The following CDYL2 variants were observed in gnomAD, a reference collection of about 807,000 sequenced individuals.
CDYL2 encodes the protein chromodomain Y-like protein 2.
In CDYL2, 23 loss-of-function variants were observed where a neutral mutation model predicts 49.4. That is an observed-to-expected ratio of 0.47 (90% CI 0.34 to 0.66). The LOEUF (loss-of-function observed/expected upper bound fraction) is 0.66, where lower values mean the gene tolerates loss of function less well. Among genes scored for constraint, CDYL2 ranks in the 30% least tolerant of loss-of-function variants. The pLI is 0.01. For missense variants in CDYL2, 678 were observed against 656.4 expected (o/e 1.03, Z -0.36); for synonymous variants, 360 against 268.8 (o/e 1.34, Z -3.32).
intron 1 of CDYL2, among the ~76,000 whole-genome samples, chr16:80,803,041 T>G (rs1311779957): frequency 6.6e-6 from 1 of 152,232 alleles, no homozygotes; most frequent in African/African-American, 2.4e-5. Flanking sequence ...GGCCCTCTGG[T>G]TGAAGATGGC....
At chr16:80,695,152 T>C (rs771719026) in intron 1 of CDYL2, among the ~76,000 whole-genome samples, 3 of 152,270 alleles carry the variant, frequency 2.0e-5, no homozygotes, top group Non-Finnish European at 4.4e-5. Flanking sequence ...AAAGTTTTAT[T>C]GGTACACACC....
At chr16:80,678,857 C>T (rs1163785220) in intron 2 of CDYL2, among the ~76,000 whole-genome samples, 4 of 151,116 alleles carry the variant, frequency 2.6e-5, no homozygotes, top group Non-Finnish European at 5.9e-5. Flanking sequence ...GACTTGGAAC[C>T]AGCCCAAATG....
At chr16:80,620,993 T>A in intron 3 of CDYL2, 58 bp from the exon 4 acceptor site, 1 of 1,471,210 alleles carries the variant, frequency 6.8e-7, no homozygotes, top group South Asian at 1.4e-5. Flanking sequence ...AGCCTGGGGC[T>A]TTCAGACTGC....
chr16:80,718,205 G>C (rs1243294527), intron 1 of CDYL2, among the ~76,000 whole-genome samples: 1 of 152,190 alleles, frequency 6.6e-6, no homozygotes, highest in Non-Finnish European at 1.5e-5. Context: ...AGTGAGAAGT[G>C]AGTTTTGTTT....
intron 2 of CDYL2, among the ~76,000 whole-genome samples, chr16:80,645,216 G>T (rs1298114759): frequency 1.3e-5 from 2 of 152,110 alleles, no homozygotes; most frequent in Admixed American, 1.3e-4. Flanking sequence ...TACAGAATGG[G>T]AGAACATTTT....
chr16:80,688,407 AAATATAT>A (rs1479198629), intron 1 of CDYL2, among the ~76,000 whole-genome samples: 1 of 152,098 alleles, frequency 6.6e-6, no homozygotes, highest in African/African-American at 2.4e-5. Context: ...CCCATCGGTA[AAATATAT>A]AATAATAAAG....
In CDYL2 at chr16:80,599,227, A is replaced by C. The variant is rs1166321479; in HGVS notation, c.*5161T>G. The C allele has an allele frequency of 6.6e-6, 1 of 152,220 alleles. No homozygotes were observed. The highest frequency in any genetic ancestry group is 6.5e-5 in the Admixed American group (1 of 15,282). 9.4% of individuals were successfully genotyped at this position (152,220 alleles called of 1,614,324 possible). A position where few individuals can be genotyped will look rare whatever the true frequency, so the allele number is the denominator to read the frequency against. ...TTCTGACTGCCACACACACTGCAAA[A>C]ATTTAAAGCAAATCTCCATCTTAAT... On this transcript the variant is annotated 3_prime_UTR_variant, in exon 7 of 7. Transcript: ENST00000570137.
chr16:80,648,669 C>G (rs916969868), intron 2 of CDYL2, among the ~76,000 whole-genome samples: 2 of 150,928 alleles, frequency 1.3e-5, no homozygotes, highest in African/African-American at 4.9e-5. Context: ...TACTCTGATA[C>G]CAAAATCAGA....
chr16:80,704,429 T>G (rs925731076), intron 1 of CDYL2, among the ~76,000 whole-genome samples: 9 of 152,072 alleles, frequency 5.9e-5, no homozygotes, highest in Admixed American at 2.0e-4. Context: ...GGTGCAACGG[T>G]GAATAAAAAC....
chr16:80,764,772 G>C (rs1189889487), intron 1 of CDYL2, among the ~76,000 whole-genome samples: 1 of 151,980 alleles, frequency 6.6e-6, no homozygotes, highest in Non-Finnish European at 1.5e-5. Flanking sequence ...AAAGAATTTA[G>C]TTCCTCGGCT....
intron 2 of CDYL2, chr16:80,662,703 T>C: frequency 2.2e-6 from 1 of 455,436 alleles, no homozygotes; most frequent in South Asian, 1.6e-5. Context: ...GCTATTGAAA[T>C]TTTAATTTTT....
intron 2 of CDYL2, among the ~76,000 whole-genome samples, chr16:80,681,083 A>G (rs1479791701): frequency 6.6e-6 from 1 of 152,206 alleles, no homozygotes; most frequent in Non-Finnish European, 1.5e-5. Context: ...CATTTGTTCC[A>G]CAGTAGATCA....
At chr16:80,789,315 C>CT (rs1907535037) in intron 1 of CDYL2, among the ~76,000 whole-genome samples, 2 of 152,084 alleles carry the variant, frequency 1.3e-5, no homozygotes, top group South Asian at 4.1e-4. Flanking sequence ...AAAGAGACAC[C>CT]TGCGGGGCCA....
At chr16:80,666,044 C>A (rs1384076623) in intron 2 of CDYL2, among the ~76,000 whole-genome samples, 1 of 152,090 alleles carries the variant, frequency 6.6e-6, no homozygotes, top group Non-Finnish European at 1.5e-5. Context: ...CGGAGTCTGA[C>A]AAAGGAGAAG....
At chr16:80,641,118 A>T (rs1195234408) in intron 2 of CDYL2, among the ~76,000 whole-genome samples, 1 of 152,206 alleles carries the variant, frequency 6.6e-6, no homozygotes, top group Non-Finnish European at 1.5e-5. Flanking sequence ...CAGAAGACAA[A>T]GCAGATTTAA....
At chr16:80,647,373 T>A (rs144946310) in intron 2 of CDYL2, among the ~76,000 whole-genome samples, 1,581 of 152,250 alleles carry the variant, frequency 0.01, 28 homozygotes, top group African/African-American at 0.036. Flanking sequence ...TATATGGAAC[T>A]GTGAAAGACC....
intron 2 of CDYL2, among the ~76,000 whole-genome samples, chr16:80,654,569 C>T (rs1199664573): frequency 1.3e-5 from 2 of 152,214 alleles, no homozygotes; most frequent in Non-Finnish European, 2.9e-5. Context: ...AATTGCCCCT[C>T]TGCATACAGG....
At chr16:80,732,622 C>G (rs1217110423) in intron 1 of CDYL2, among the ~76,000 whole-genome samples, 4 of 152,178 alleles carry the variant, frequency 2.6e-5, no homozygotes, top group African/African-American at 9.7e-5. Flanking sequence ...GTACCATGAG[C>G]ATGTTTTACC....
intron 4 of CDYL2, among the ~76,000 whole-genome samples, chr16:80,618,005 C>T (rs992383625): frequency 1.3e-5 from 2 of 152,158 alleles, no homozygotes; most frequent in Admixed American, 6.5e-5. Flanking sequence ...TGGGAATGCT[C>T]CCTTGGGCCT....
Sources: gnomAD v4.1 joint callset for allele counts (sites outside exome capture counted in the v4.1 genomes callset) on GRCh38, gnomAD v4.1.1 for gene constraint, MANE v1.5 for transcripts, NCBI Gene and HGNC (gene_info 2026-07-23, HGNC 2026-07-21) for gene names.